DPP9: variants seen among roughly 807,000 people sequenced by gnomAD.
The protein encoded by DPP9 is dipeptidyl peptidase IV-related protein-2.
DPP9 carries 50 observed loss-of-function variants against 110.7 expected under a neutral mutation model. The observed-to-expected ratio is 0.45, with a 90% CI of 0.36 to 0.57. DPP9 has a LOEUF of 0.57. DPP9 is among the 20% of genes least tolerant of loss of function. The probability of loss-of-function intolerance (pLI) is 0.00; values close to 1 mark genes in which losing one functional copy is unlikely to be tolerated. For synonymous variants in DPP9, 561 were observed against 514.4 expected (o/e 1.09, Z -1.23); for missense variants, 1,022 against 1,217.9 (o/e 0.84, Z 2.39).
At chr19:4,681,403 C>T (rs1158175079) in intron 20 of DPP9, among the ~76,000 whole-genome samples, 2 of 152,036 alleles carry the variant, frequency 1.3e-5, no homozygotes, top group South Asian at 2.1e-4. Context: ...GCGACCTCAC[C>T]CTTCCAGGTT....
chr19:4,679,992 G>A (rs1426422238), intron 20 of DPP9, 46 bp from the exon 21 acceptor site: 3 of 1,403,386 alleles, frequency 2.1e-6, no homozygotes, highest in Non-Finnish European at 2.0e-6. Flanking sequence ...ATTGTCCGTG[G>A]GGTAGGAGGG....
rs1288001144 is a variant in DPP9 at position 4,694,388 on chromosome 19, T to A, written c.1516+273A>T. Reference sequence around the variant, plus strand: ...CACAGGTGGTGGGCCGGATTTGACCTGTGGGCCGTAGGTGGCCAACCCCTG... The same window carrying A: ...CACAGGTGGTGGGCCGGATTTGACCAGTGGGCCGTAGGTGGCCAACCCCTG... On this transcript the variant is annotated intron_variant, in intron 13 of 21. Coordinates refer to ENST00000262960, the MANE Select transcript of DPP9 (RefSeq NM_139159.5). This position sits in a 1 kb window ranked among gnomAD's most constrained non-coding sequence, Gnocchi z 4.0. The A allele has an allele frequency of 1.9e-6, 1 of 527,708 alleles. No individual in the cohort carries two copies. Among genetic ancestry groups the A allele is most frequent in the Non-Finnish European group, 3.3e-6 (1 of 298,770 alleles). 32.7% of individuals were successfully genotyped at this position (527,708 alleles called of 1,614,324 possible).
rs766453252 is a variant in DPP9, at chr19:4,689,558, G to A, written c.1749+12C>T. 1.4e-5 allele frequency: 22 copies of A among 1,551,538 alleles called. No homozygotes were observed. Among genetic ancestry groups the A allele is most frequent in the Non-Finnish European group, 1.8e-5 (21 of 1,151,876 alleles). On this transcript the variant is annotated intron_variant, in intron 15 of 21. Transcript: ENST00000262960. The surrounding 1 kb of genome is among the most constrained non-coding windows in gnomAD (Gnocchi z 7.0). ...GGGCACAGGGCGGTGCCGTGAGGCTGGGCGGTCCCACCTGGCTCATGGAGC... is the reference window on the plus strand; with the variant it reads ...GGGCACAGGGCGGTGCCGTGAGGCTAGGCGGTCCCACCTGGCTCATGGAGC...
At position 4,703,888 on chromosome 19, in the gene DPP9, T is replaced by C; in HGVS notation, c.767A>G (p.Gln256Arg). The change falls in exon 7 of 22, where the codon CAA becomes CGA. Residue 256 changes from glutamine to arginine, a missense_variant and splice_region_variant. By Grantham distance (43) the Gln-to-Arg change is conservative. Transcript: ENST00000262960. ...GEERRLTFCH[Q>R]GLSNVLDDPK... ...TGCACAGGAGGGGCTGGCCCCACCT[T>C]GGTGGCAGAAGGTCAGCCGCCGCTC... The C allele has an allele frequency of 6.2e-7, 1 of 1,600,038 alleles. No homozygotes were observed. Among genetic ancestry groups the C allele is most frequent in the South Asian group, 1.1e-5 (1 of 89,006 alleles).
chr19:4,713,297 G>A (rs1457027698), intron 4 of DPP9, among the ~76,000 whole-genome samples: 1 of 152,242 alleles, frequency 6.6e-6, no homozygotes, highest in Non-Finnish European at 1.5e-5. Context: ...CAGCTCTTAA[G>A]GCCTCTGGGT....
rs1568313433 is a variant in DPP9, at chr19:4,694,829, CG to C, written c.1354-7del. On this transcript the variant is annotated splice_polypyrimidine_tract_variant and splice_region_variant and intron_variant, in intron 12 of 21. Transcript: ENST00000262960. The surrounding 1 kb of genome is among the most constrained non-coding windows in gnomAD (Gnocchi z 4.0). ...GGATAGAAGATGTCATGAACCTGTC[CG>C]GAAAGCAGATAGAAGATGCGTCAGA... 1.2e-6 allele frequency: 2 copies of C among 1,613,450 alleles called. No individual in the cohort carries two copies. Among genetic ancestry groups the C allele is most frequent in the Admixed American group, 1.7e-5 (1 of 59,984 alleles).
intron 4 of DPP9, among the ~76,000 whole-genome samples, chr19:4,709,381 G>C (rs2092729482): frequency 6.6e-6 from 1 of 152,232 alleles, no homozygotes; most frequent in East Asian, 1.9e-4. Context: ...CTTTTAAAGT[G>C]TATTTATGAA....
At chr19:4,714,423 G>T in intron 3 of DPP9, 86 bp from the exon 4 acceptor site, 1 of 1,421,788 alleles carries the variant, frequency 7.0e-7, no homozygotes, top group South Asian at 1.5e-5. Flanking sequence ...AGGCACTCAG[G>T]TTCTTCCAGA....
rs2088779350 is a variant in DPP9 at position 4,675,821 on chromosome 19, GAGTGCAATGGTGCGA to G, written c.*728_*742del. 1 of 152,366 alleles carries G rather than the reference GAGTGCAATGGTGCGA, an allele frequency of 6.6e-6. No homozygotes were observed. Among genetic ancestry groups the G allele is most frequent in the African/African-American group, 2.4e-5 (1 of 41,440 alleles). The allele number at this position is 152,366 out of a possible 1,614,324, so 9.4% of individuals were successfully genotyped here. On this transcript the variant is annotated 3_prime_UTR_variant, in exon 22 of 22. Transcript: ENST00000262960. ...AGTTTCGCTCTTGTTGCCCAGGCTG[GAGTGCAATGGTGCGA>G]TCTTGGCTCACCGCAACCTCCACCT...
rs531339074 is a variant in DPP9 at position 4,693,513 on chromosome 19, C to G, written c.1516+1148G>C. 5.3e-5 allele frequency among the ~76,000 whole-genome samples: 8 copies of G among 152,284 alleles called. No individual in the cohort carries two copies. The highest frequency in any genetic ancestry group is 1.9e-4 in the African/African-American group (8 of 41,576). On this transcript the variant is annotated intron_variant, in intron 13 of 21. Transcript: ENST00000262960. The surrounding 1 kb of genome is among the most constrained non-coding windows in gnomAD (Gnocchi z 5.0). Reference sequence around the variant, plus strand: ...TCTCTGAGTCTGTCTTAGACTGGACCTGCGGAGCCCTCCGGGCATCCATGC... The same window carrying G: ...TCTCTGAGTCTGTCTTAGACTGGACGTGCGGAGCCCTCCGGGCATCCATGC...
chr19:4,694,940 G>T lies in DPP9; in HGVS notation c.1354-117C>A. ...GGGCAGGAGACTTGCTTGAGCCCAG[G>T]AATTTCAGAGACCAGCCTGGACAAC... On this transcript the variant is annotated intron_variant, in intron 12 of 21. Transcript: ENST00000262960. The surrounding 1 kb of genome is among the most constrained non-coding windows in gnomAD (Gnocchi z 4.0). 1 of 945,364 alleles carries T rather than the reference G, an allele frequency of 1.1e-6. No homozygotes were observed. Among genetic ancestry groups the T allele is most frequent in the Non-Finnish European group, 1.6e-6 (1 of 629,146 alleles). The allele number at this position is 945,364 out of a possible 1,614,324, so 58.6% of individuals were successfully genotyped here.
chr19:4,695,522 C>G lies in DPP9; in HGVS notation c.1209G>C (p.Gln403His). 1 of 1,524,938 alleles carries G rather than the reference C, an allele frequency of 6.6e-7. No individual in the cohort carries two copies. Among genetic ancestry groups the G allele is most frequent in the Non-Finnish European group, 8.8e-7 (1 of 1,139,076 alleles). 94.5% of individuals were successfully genotyped at this position (1,524,938 alleles called of 1,614,324 possible). Reference protein sequence around the residue: ...AWAMFLDRPQQWLQLVLLPPA... With the variant: ...AWAMFLDRPQHWLQLVLLPPA... The stretch of plus-strand genomic sequence containing the variant: ...GGGGGAGGAGGACGAGCTGGAGCCA[C>G]TGCTGGGGCCGGTCCAGGAACATGG... The change falls in exon 12 of 22, where the codon CAG (glutamine) becomes CAC (histidine). Residue 403 changes from glutamine to histidine, a missense_variant. By Grantham distance (24) the Gln-to-His change is conservative. Transcript: ENST00000262960. This position sits in a 1 kb window ranked among gnomAD's most constrained non-coding sequence, Gnocchi z 4.7.
Position 4,694,634 on chromosome 19 carries a change from C to T in DPP9, c.1516+27G>A, listed in dbSNP as rs368149485. 64 of 1,601,660 alleles carry T rather than the reference C, an allele frequency of 4.0e-5. No homozygotes were observed. Among genetic ancestry groups the T allele is most frequent in the African/African-American group, 5.4e-5 (4 of 74,722 alleles). ...ACCACACGTGACTAACGCGATGAGTCGACAGCATTCGTCAGGCTCTGCTCA... is the reference window on the plus strand; with the variant it reads ...ACCACACGTGACTAACGCGATGAGTTGACAGCATTCGTCAGGCTCTGCTCA... On this transcript the variant is annotated intron_variant, in intron 13 of 21. Transcript: ENST00000262960. This position sits in a 1 kb window ranked among gnomAD's most constrained non-coding sequence, Gnocchi z 4.0.
Position 4,684,698 on chromosome 19 carries a change from C to T in DPP9, c.2143G>A (p.Gly715Arg). 6.2e-7 allele frequency: 1 copy of T among 1,612,532 alleles called. No individual in the cohort carries two copies. Among genetic ancestry groups the T allele is most frequent in the Non-Finnish European group, 8.5e-7 (1 of 1,179,426 alleles). Residue 715 changes from glycine (G) to arginine (R), a missense_variant, in exon 18 of 22, where the codon GGG becomes AGG. Physicochemically the swap from Gly to Arg is moderately radical, Grantham distance 125. Transcript: ENST00000262960. The surrounding 1 kb of genome is among the most constrained non-coding windows in gnomAD (Gnocchi z 4.8). ...TTCAGGGCCCCTTCGAACCGAAGCC[C>T]TCGCTGACAGGAGCCCCTGCCGTCA... ...VIDGRGSCQR[G>R]LRFEGALKNQ...
chr19:4,704,654 ACT>A lies in DPP9; in HGVS notation c.427-352_427-351del, dbSNP rs762466418. Among the ~76,000 whole-genome samples the A allele has an allele frequency of 3.0e-4, 46 of 152,000 alleles. No homozygotes were observed. Among genetic ancestry groups the A allele is most frequent in the Non-Finnish European group, 5.6e-4 (38 of 67,970 alleles). Reference sequence around the variant, plus strand: ...TGTCCCTGCCCCACACCACCGGAGTACTCTCTCCGGGTCCCTAGTGCCATTCT... The same window carrying A: ...TGTCCCTGCCCCACACCACCGGAGTACTCTCCGGGTCCCTAGTGCCATTCT... On this transcript the variant is annotated intron_variant, in intron 5 of 21. Coordinates refer to ENST00000262960, the MANE Select transcript of DPP9 (RefSeq NM_139159.5). The surrounding 1 kb of genome is among the most constrained non-coding windows in gnomAD (Gnocchi z 6.0).
intron 13 of DPP9, among the ~76,000 whole-genome samples, chr19:4,692,617 G>A (rs1011467107): frequency 1.1e-4 from 17 of 152,156 alleles, no homozygotes; most frequent in African/African-American, 3.4e-4. Context: ...CTCACAGGCC[G>A]GGGGTCCCTG....
intron 3 of DPP9, 198 bp downstream of exon 3, chr19:4,719,653 A>G: frequency 1.5e-6 from 1 of 646,534 alleles, no homozygotes; most frequent in Non-Finnish European, 2.7e-6. Flanking sequence ...TTCCAGCCCC[A>G]GCGTCCACAG....
intron 21 of DPP9, chr19:4,679,592 C>G: frequency 1.9e-6 from 1 of 532,020 alleles, no homozygotes; most frequent in Non-Finnish European, 3.4e-6. Flanking sequence ...GTGGCAGCCC[C>G]CGATCCCGTG....
intron 4 of DPP9, among the ~76,000 whole-genome samples, chr19:4,707,912 C>T (rs1341276837): frequency 6.6e-6 from 1 of 152,180 alleles, no homozygotes; most frequent in Non-Finnish European, 1.5e-5. Flanking sequence ...AGGCATGAGC[C>T]ACCACACCCG....
Sources: gnomAD v4.1 joint callset for allele counts (sites outside exome capture counted in the v4.1 genomes callset) on GRCh38, gnomAD v4.1.1 for gene constraint, Gnocchi (gnomAD v3.1) non-coding constraint, MANE v1.5 for transcripts, NCBI Gene and HGNC (gene_info 2026-07-23, HGNC 2026-07-21) for gene names.